The following CLN6 variants were observed in gnomAD, a reference collection of about 807,000 sequenced individuals.
CLN6 encodes the protein CLN6 transmembrane ER protein.
A neutral mutation model predicts 33.3 loss-of-function variants in CLN6; 22 were observed. The ratio of observed to expected loss-of-function variants is 0.66; its 90% CI spans 0.47 to 0.94. The LOEUF (loss-of-function observed/expected upper bound fraction) is 0.94. Among genes scored for constraint, CLN6 ranks in the 40% least tolerant of loss-of-function variants. The pLI is 0.00. For synonymous variants in CLN6, 201 were observed against 174.6 expected, an observed-to-expected ratio of 1.15 and a Z score of -1.19; for missense variants, 387 against 417.1, an observed-to-expected ratio of 0.93 and a Z score of 0.63.
chr15:68,222,125 CCT>C (rs2093238539), intron 1 of CLN6, among the ~76,000 whole-genome samples: 16 of 108,892 alleles, frequency 1.5e-4, no homozygotes, highest in Admixed American at 4.7e-4. Context: ...TGTGAGGAGC[CCT>C]TCTGCCCGGC....
In CLN6 at chr15:68,224,719, T is replaced by C. The variant is rs528980850; in HGVS notation, c.83+4783A>G. Among the ~76,000 whole-genome samples the C allele has an allele frequency of 2.0e-5, 3 of 150,476 alleles. No homozygotes were observed. The East Asian group carries it at 5.9e-4, about 30-fold the overall frequency. ...AGATCATGGAATGGTAAAGGCATCC[T>C]CTCCCCCAGCTCATGTCCTGAGGAT... On this transcript the variant is annotated intron_variant, in intron 1 of 6. Transcript: ENST00000249806.
chr15:68,208,244 C>A lies in CLN6; in HGVS notation c.832G>T (p.Ala278Ser). 1.2e-6 allele frequency: 2 copies of A among 1,613,992 alleles called. No individual in the cohort carries two copies. The highest frequency in any genetic ancestry group is 1.7e-6 in the Non-Finnish European group (2 of 1,180,006). The change falls in exon 7 of 7, where the codon GCC (alanine) becomes TCC (serine). Residue 278 changes from alanine to serine, a missense_variant. Physicochemically the swap from Ala to Ser is moderately conservative, Grantham distance 99. Transcript: ENST00000249806. The surrounding 1 kb of genome is among the most constrained non-coding windows in gnomAD (Gnocchi z 5.8). Reference protein sequence around the residue: ...LTLLLVALWVAWLWNDPVLRK... With the variant: ...LTLLLVALWVSWLWNDPVLRK... Reference sequence around the variant, plus strand: ...AGAACAGGGTCATTCCACAGCCAGGCGACCCAGAGCGCCACAAGCAAGAGG... The same window carrying A: ...AGAACAGGGTCATTCCACAGCCAGGAGACCCAGAGCGCCACAAGCAAGAGG...
chr15:68,236,942 G>C lies in CLN6; in HGVS notation c.180-18292C>G, dbSNP rs186920664. ...GGAGGCCGAGGCGGGTGGATCATGA[G>C]GTCAGGAGATCGAGACCATCCTGGC... On this transcript the variant is annotated intron_variant, in intron 1 of 6. Coordinates refer to the CLN6 transcript ENST00000538696. This position sits in a 1 kb window ranked among gnomAD's most constrained non-coding sequence, Gnocchi z 4.5. Among the ~76,000 whole-genome samples the C allele has an allele frequency of 4.0e-3, 600 of 150,964 alleles. 1 individual carries two copies. Among genetic ancestry groups the C allele is most frequent in the African/African-American group, 0.013 (548 of 41,060 alleles).
intron 1 of CLN6, among the ~76,000 whole-genome samples, chr15:68,235,591 T>TAA (rs1171927856): frequency 0.13 from 710 of 5,348 alleles, 2 homozygotes; most frequent in Non-Finnish European, 0.33. Context: ...AAAATAAATA[T>TAA]ATATATATAT....
At chr15:68,232,760 G>A (rs758690001), upstream of CLN6, among the ~76,000 whole-genome samples, 1 of 152,264 alleles carries the variant, frequency 6.6e-6, no homozygotes, top group Middle Eastern at 3.4e-3. The surrounding 1 kb of genome is among the most constrained non-coding windows in gnomAD (Gnocchi z 4.7). Context: ...GAAGGTCCTG[G>A]GCCATGCGCA....
upstream of CLN6, among the ~76,000 whole-genome samples, chr15:68,230,472 C>T (rs1224329250): frequency 6.6e-6 from 1 of 152,072 alleles, no homozygotes; most frequent in Non-Finnish European, 1.5e-5. This position sits in a 1 kb window ranked among gnomAD's most constrained non-coding sequence, Gnocchi z 4.0. Context: ...ACAGACAGAA[C>T]CTAAGGGGAC....
In CLN6 at chr15:68,228,142, G is replaced by A. The variant is rs993700860; in HGVS notation, c.83+1360C>T. Among the ~76,000 whole-genome samples, 3 of 152,140 alleles carry A rather than the reference G, an allele frequency of 2.0e-5. No homozygotes were observed. Among genetic ancestry groups the A allele is most frequent in the African/African-American group, 7.2e-5 (3 of 41,422 alleles). On this transcript the variant is annotated intron_variant, in intron 1 of 6. Transcript: ENST00000249806. The surrounding 1 kb of genome is among the most constrained non-coding windows in gnomAD (Gnocchi z 4.4). Reference sequence around the variant, plus strand: ...GGGAGACAGGTGAGCTACAGTATGCGGTCTATGGCCAGTACATTGTTTCTA... The same window carrying A: ...GGGAGACAGGTGAGCTACAGTATGCAGTCTATGGCCAGTACATTGTTTCTA...
chr15:68,214,575 A>G lies in CLN6; in HGVS notation c.199-187T>C, dbSNP rs189846825. ...CCTTGGGACAAAGGTTTATCCAGAC[A>G]GGAAAGCTGAGTCCCAGAGGAGGTA... is the stretch of plus-strand genomic sequence containing the variant. On this transcript the variant is annotated intron_variant, in intron 2 of 6. Transcript: ENST00000249806. 225 of 585,816 alleles carry G rather than the reference A, an allele frequency of 3.8e-4. 1 individual carries two copies. The African/African-American group carries it at 3.9e-3, about 10-fold the overall frequency. The allele number at this position is 585,816 out of a possible 1,614,324, so 36.3% of individuals were successfully genotyped here. A position where few individuals can be genotyped will look rare whatever the true frequency, so the allele number is the denominator to read the frequency against.
intron 1 of CLN6, among the ~76,000 whole-genome samples, chr15:68,223,428 T>TA (rs1200581005): frequency 6.6e-6 from 1 of 152,102 alleles, no homozygotes; most frequent in African/African-American, 2.4e-5. Flanking sequence ...CCCACCCAGC[T>TA]CCTTCCTCAG....
upstream of CLN6, among the ~76,000 whole-genome samples, chr15:68,234,286 A>G (rs1028118057): frequency 3.9e-5 from 6 of 152,204 alleles, no homozygotes; most frequent in Non-Finnish European, 7.3e-5. The surrounding 1 kb of genome is among the most constrained non-coding windows in gnomAD (Gnocchi z 4.1). Context: ...TCCATCCAAG[A>G]GATAAGCAGA....
At chr15:68,229,772 A>AGCGGG (rs960686012), upstream of CLN6, 1 of 268,758 alleles carries the variant, frequency 3.7e-6, no homozygotes, top group African/African-American at 2.6e-5. Context: ...AGCGGAGCGG[A>AGCGGG]GCGGAGGGAG....
Position 68,247,469 on chromosome 15 carries a change from G to A in CLN6, c.179+9221C>T, listed in dbSNP as rs1223097319. Among the ~76,000 whole-genome samples the A allele has an allele frequency of 2.6e-5, 4 of 151,984 alleles. No homozygotes were observed. Among genetic ancestry groups the A allele is most frequent in the Admixed American group, 6.6e-5 (1 of 15,256 alleles). Reference sequence around the variant, plus strand: ...ACAAAACCTAGGAATAAATTTAACCGAAGAGGAGAAAGATCTCTTCAAGGA... The same window carrying A: ...ACAAAACCTAGGAATAAATTTAACCAAAGAGGAGAAAGATCTCTTCAAGGA... On this transcript the variant is annotated intron_variant, in intron 1 of 6. Transcript: ENST00000538696. This position sits in a 1 kb window ranked among gnomAD's most constrained non-coding sequence, Gnocchi z 4.2.
At chr15:68,222,944 C>T (rs964396410) in intron 1 of CLN6, among the ~76,000 whole-genome samples, 1 of 152,078 alleles carries the variant, frequency 6.6e-6, no homozygotes, top group Non-Finnish European at 1.5e-5. Flanking sequence ...CGTTAAGAGT[C>T]ATCACCACTC....
intron 1 of CLN6, among the ~76,000 whole-genome samples, chr15:68,221,684 GC>G (rs2093236501): frequency 6.6e-6 from 1 of 152,112 alleles, no homozygotes; most frequent in Non-Finnish European, 1.5e-5. Flanking sequence ...TCTCTGCCTG[GC>G]CGCCCATCGT....
rs200608439 is a variant in CLN6, at chr15:68,209,612, T to C, written c.665+25A>G. Reference sequence around the variant, plus strand: ...GTGGCTCTCTCAGTGCCCCTGCCTCTGCCCCCATGCTGATGTCCACTCACC... The same window carrying C: ...GTGGCTCTCTCAGTGCCCCTGCCTCCGCCCCCATGCTGATGTCCACTCACC... On this transcript the variant is annotated intron_variant, in intron 6 of 6. Coordinates refer to ENST00000249806, the MANE Select transcript of CLN6 (RefSeq NM_017882.3). The surrounding 1 kb of genome is among the most constrained non-coding windows in gnomAD (Gnocchi z 4.9). 1.9e-6 allele frequency: 3 copies of C among 1,611,138 alleles called. No homozygotes were observed. Among genetic ancestry groups the C allele is most frequent in the Admixed American group, 1.7e-5 (1 of 60,014 alleles).
rs12442079 is a variant in CLN6 at position 68,241,002 on chromosome 15, A to C, written c.179+15688T>G. On this transcript the variant is annotated intron_variant, in intron 1 of 6. Coordinates refer to the CLN6 transcript ENST00000538696. This position sits in a 1 kb window ranked among gnomAD's most constrained non-coding sequence, Gnocchi z 4.2. Reference sequence around the variant, plus strand: ...CCATCTCCCAAAAAAAAAAAACAAAAAAAAAAACACAGTAGCATTCACAAA... The same window carrying C: ...CCATCTCCCAAAAAAAAAAAACAAACAAAAAAACACAGTAGCATTCACAAA... Among the ~76,000 whole-genome samples, 29,942 of 151,240 alleles carry C rather than the reference A, an allele frequency of 0.2. 4,294 individuals carry two copies. Among genetic ancestry groups the C allele is most frequent in the East Asian group, 0.65 (3,297 of 5,108 alleles).
At chr15:68,234,017 A>C (rs7182574), upstream of CLN6, among the ~76,000 whole-genome samples, 72,096 of 151,978 alleles carry the variant, frequency 0.47, 17,942 homozygotes, top group Non-Finnish European at 0.56. This position sits in a 1 kb window ranked among gnomAD's most constrained non-coding sequence, Gnocchi z 4.1. Flanking sequence ...TACTAGAAGC[A>C]ACGGGGGACA....
In CLN6 at chr15:68,211,526, C is replaced by A; in HGVS notation, c.486+149G>T. The A allele has an allele frequency of 4.4e-6, 7 of 1,592,590 alleles. No homozygotes were observed. Among genetic ancestry groups the A allele is most frequent in the East Asian group, 2.2e-5 (1 of 44,772 alleles). On this transcript the variant is annotated intron_variant, in intron 4 of 6. Coordinates refer to ENST00000249806, the MANE Select transcript of CLN6 (RefSeq NM_017882.3). This position sits in a 1 kb window ranked among gnomAD's most constrained non-coding sequence, Gnocchi z 5.9. The stretch of plus-strand genomic sequence containing the variant: ...CACTTCCTAAGAACACTTGAGCATC[C>A]TAGCTTGGGGCAGGCGACAGTGCCC...
Position 68,209,545 on chromosome 15 carries a change from G to A in CLN6, c.665+92C>T, listed in dbSNP as rs1052256003. The stretch of plus-strand genomic sequence containing the variant: ...CCCAAAGAGGGCCAGTCTCCCTGGG[G>A]CCACACAGCAGGTCCATTGGCAAGT... On this transcript the variant is annotated intron_variant, in intron 6 of 6. Coordinates refer to ENST00000249806, the MANE Select transcript of CLN6 (RefSeq NM_017882.3). The surrounding 1 kb of genome is among the most constrained non-coding windows in gnomAD (Gnocchi z 4.9). 1.1e-5 allele frequency: 17 copies of A among 1,553,722 alleles called. No individual in the cohort carries two copies. Among genetic ancestry groups the A allele is most frequent in the Middle Eastern group, 4.6e-4 (2 of 4,356 alleles).
Sources: allele counts gnomAD v4.1 joint callset (sites outside exome capture counted in the v4.1 genomes callset), GRCh38; gene constraint gnomAD v4.1.1; non-coding constraint Gnocchi (gnomAD v3.1); transcripts MANE v1.5; gene names NCBI Gene and HGNC (gene_info 2026-07-23, HGNC 2026-07-21).